Variants in APP observed in about 807,000 individuals in gnomAD.
The protein encoded by APP is amyloid-beta precursor protein.
In APP, 31 loss-of-function variants were observed where a neutral mutation model predicts 101.4. The observed-to-expected ratio is 0.31, with a 90% CI of 0.23 to 0.41. APP has a LOEUF of 0.41. Among genes scored for constraint, APP ranks in the 10% least tolerant of loss-of-function variants. The pLI, the probability that APP is intolerant of heterozygous loss-of-function variation, is 1.00. For missense variants in APP, 839 were observed against 1,003.7 expected (o/e 0.84, Z 2.22); for synonymous variants, 366 against 364.4 (o/e 1.00, Z -0.05).
At chr21:25,889,186 C>A (rs961882247) in intron 17 of APP, among the ~76,000 whole-genome samples, 3 of 152,096 alleles carry the variant, frequency 2.0e-5, no homozygotes, top group South Asian at 2.1e-4. Flanking sequence ...CAGATAGGGT[C>A]GAAGAGGTTA....
intron 3 of APP, among the ~76,000 whole-genome samples, chr21:26,070,007 GCT>G (rs1424493146): frequency 6.6e-6 from 1 of 152,200 alleles, no homozygotes; most frequent in African/African-American, 2.4e-5. Context: ...AGTTCACAAA[GCT>G]CTGTTAGAGC....
At chr21:25,994,028 A>G in intron 8 of APP, among the ~76,000 whole-genome samples, 1 of 152,358 alleles carries the variant, frequency 6.6e-6, no homozygotes, top group South Asian at 2.1e-4. Flanking sequence ...CACATGGTGC[A>G]ATCTGCTGAC....
chr21:26,131,127 G>T (rs2062786033), intron 1 of APP, among the ~76,000 whole-genome samples: 1 of 152,110 alleles, frequency 6.6e-6, no homozygotes, highest in South Asian at 2.1e-4. Context: ...TACTCAGGAG[G>T]CTGAGGCAGG....
chr21:26,013,932 G>A (rs1293613875), intron 6 of APP, among the ~76,000 whole-genome samples: 1 of 152,128 alleles, frequency 6.6e-6, no homozygotes, highest in Non-Finnish European at 1.5e-5. Flanking sequence ...CATGACATGG[G>A]GCACAAAATA....
At chr21:26,024,722 G>A (rs1156349997) in intron 5 of APP, among the ~76,000 whole-genome samples, 1 of 152,132 alleles carries the variant, frequency 6.6e-6, no homozygotes, top group Non-Finnish European at 1.5e-5. Flanking sequence ...GATCCCCATG[G>A]AACACCTGAC....
chr21:26,044,030 A>G (rs181130831), intron 5 of APP, among the ~76,000 whole-genome samples: 4 of 152,354 alleles, frequency 2.6e-5, no homozygotes, highest in Non-Finnish European at 4.4e-5. Flanking sequence ...AAACTGTGCT[A>G]AAGAAGACAA....
intron 17 of APP, among the ~76,000 whole-genome samples, chr21:25,888,477 G>T (rs1246819880): frequency 6.6e-6 from 1 of 152,146 alleles, no homozygotes; most frequent in African/African-American, 2.4e-5. Flanking sequence ...CACACTATGG[G>T]GCTGCACAGA....
rs981147037 is a variant in APP at position 25,997,525 on chromosome 21, C to T, written c.1034-109G>A. On this transcript the variant is annotated intron_variant, in intron 7 of 17. Coordinates refer to ENST00000346798, the MANE Select transcript of APP (RefSeq NM_000484.4). The stretch of plus-strand genomic sequence containing the variant: ...AAAAACAACCTAACAAACAAAATCA[C>T]TCACTTAGGTTTGGTCCCTCCAACA... 3.1e-6 allele frequency: 3 copies of T among 974,382 alleles called. No individual in the cohort carries two copies. The African/African-American group carries it at 4.8e-5, about 16-fold the overall frequency. 60.4% of individuals were successfully genotyped at this position (974,382 alleles called of 1,614,324 possible).
chr21:26,045,333 A>T (rs2045563287), intron 5 of APP, among the ~76,000 whole-genome samples: 1 of 152,220 alleles, frequency 6.6e-6, no homozygotes, highest in African/African-American at 2.4e-5. Context: ...TTTGAAATGT[A>T]GAACCAGTAT....
chr21:26,000,134 G>C lies in APP; in HGVS notation c.914C>G (p.Ser305Cys), dbSNP rs1185992653. 3.7e-6 allele frequency: 6 copies of C among 1,614,204 alleles called. No individual in the cohort carries two copies. Among genetic ancestry groups the C allele is most frequent in the Non-Finnish European group, 4.2e-6 (5 of 1,180,034 alleles). Reference sequence around the variant, plus strand: ...TTCAGTCACATCAAAGTACCAGCGGGAGATCATTGCTCGGCACGGCCCCGT... The same window carrying C: ...TTCAGTCACATCAAAGTACCAGCGGCAGATCATTGCTCGGCACGGCCCCGT... ...AETGPCRAMI[S>C]RWYFDVTEGK... is the part of the protein sequence containing the mutation. Residue 305 changes from serine to cysteine, a missense_variant, in exon 7 of 18, where the codon TCC (serine) becomes TGC (cysteine). Coordinates refer to ENST00000346798, the MANE Select transcript of APP (RefSeq NM_000484.4).
chr21:25,921,082 A>T (rs932010476), intron 13 of APP, among the ~76,000 whole-genome samples: 7 of 145,474 alleles, frequency 4.8e-5, no homozygotes, highest in Non-Finnish European at 1.1e-4. Flanking sequence ...TCTCACTCAA[A>T]GCCGCTCAAC....
intron 16 of APP, among the ~76,000 whole-genome samples, chr21:25,897,256 G>A (rs1255675544): frequency 6.6e-6 from 1 of 152,078 alleles, no homozygotes; most frequent in Non-Finnish European, 1.5e-5. Context: ...GGGACTACAG[G>A]TGTTTGCCAC....
intron 1 of APP, among the ~76,000 whole-genome samples, chr21:26,167,620 G>C (rs2063645848): frequency 6.6e-6 from 1 of 152,134 alleles, no homozygotes; most frequent in Admixed American, 6.5e-5. Flanking sequence ...CTAGCAACAA[G>C]ACTTAACATA....
At position 25,911,874 on chromosome 21, in the gene APP, A is replaced by T. The variant is rs201264568; in HGVS notation, c.1776T>A (p.Ala592=). 6.2e-7 allele frequency: 1 copy of T among 1,614,168 alleles called. No individual in the cohort carries two copies. Among genetic ancestry groups the T allele is most frequent in the Non-Finnish European group, 8.5e-7 (1 of 1,180,028 alleles). The change falls in exon 14 of 18, where the codon GCT becomes GCA. Residue 592 remains alanine, a synonymous_variant. Transcript: ENST00000346798. Reference sequence around the variant, plus strand: ...TCGTTTCGGTCAAAGATGGCATGAGAGCATCGTTTCCGTAACTGATCCTTG... The same window carrying T: ...TCGTTTCGGTCAAAGATGGCATGAGTGCATCGTTTCCGTAACTGATCCTTG... ...SEPRISYGND[A]LMPSLTETKT...
intron 5 of APP, among the ~76,000 whole-genome samples, chr21:26,030,532 GAT>G (rs2044773272): frequency 6.6e-6 from 1 of 152,176 alleles, no homozygotes; most frequent in African/African-American, 2.4e-5. Context: ...GGGGGAAAAT[GAT>G]ATTCTGGCAA....
chr21:26,039,887 T>C (rs1226720325), intron 5 of APP, among the ~76,000 whole-genome samples: 4 of 152,134 alleles, frequency 2.6e-5, no homozygotes, highest in Non-Finnish European at 5.9e-5. Flanking sequence ...TAAAATACTA[T>C]AAATAATAAC....
intron 3 of APP, among the ~76,000 whole-genome samples, chr21:26,064,621 C>T (rs1022522694): frequency 2.6e-5 from 4 of 152,038 alleles, no homozygotes; most frequent in South Asian, 4.2e-4. Context: ...ACAGAGGAAC[C>T]GCAGCCGCTT....
At chr21:26,161,013 A>G (rs57174129) in intron 1 of APP, among the ~76,000 whole-genome samples, 102 of 152,346 alleles carry the variant, frequency 6.7e-4, no homozygotes, top group African/African-American at 2.4e-3. Context: ...GCTTGTTCGC[A>G]GTTTCTTAAA....
chr21:25,962,272 C>T (rs1430978249), intron 11 of APP, among the ~76,000 whole-genome samples: 7 of 152,032 alleles, frequency 4.6e-5, no homozygotes, highest in African/African-American at 1.2e-4. Context: ...CAGGCACCAC[C>T]GAAATGGCTT....
Sources: gnomAD v4.1 joint callset for allele counts (sites outside exome capture counted in the v4.1 genomes callset) on GRCh38, gnomAD v4.1.1 for gene constraint, MANE v1.5 for transcripts, NCBI Gene and HGNC (gene_info 2026-07-23, HGNC 2026-07-21) for gene names.